The following ABR variants were observed in gnomAD, a reference collection of about 807,000 sequenced individuals.
ABR encodes active breakpoint cluster region-related protein.
In ABR, 35 loss-of-function variants were observed where a neutral mutation model predicts 107.2. The observed-to-expected ratio is 0.33, with a 90% CI of 0.25 to 0.43. ABR has a LOEUF of 0.43. Ranked by LOEUF, ABR falls within the 20% of genes least tolerant of loss-of-function variation. The probability of loss-of-function intolerance (pLI) is 1.00; values close to 1 mark genes in which losing one functional copy is unlikely to be tolerated. For synonymous variants in ABR, 498 were observed against 462.0 expected, an observed-to-expected ratio of 1.08 and a Z score of -1.00; for missense variants, 815 against 1,115.2, an observed-to-expected ratio of 0.73 and a Z score of 3.83.
intron 2 of ABR, among the ~76,000 whole-genome samples, chr17:1,112,613 G>GAGGA (rs533410394): frequency 0.011 from 903 of 84,526 alleles, 17 homozygotes; most frequent in African/African-American, 0.055. Context: ...GGGAGGGAGG[G>GAGGA]AGGAAGGAAG....
chr17:1,183,419 A>G (rs2042195379), upstream of ABR, among the ~76,000 whole-genome samples: 1 of 152,066 alleles, frequency 6.6e-6, no homozygotes, highest in African/African-American at 2.4e-5. Context: ...GGTTGGGTGC[A>G]CCGCCAGGAG....
intron 2 of ABR, among the ~76,000 whole-genome samples, chr17:1,102,818 C>T (rs2037992206): frequency 6.6e-6 from 1 of 152,186 alleles, no homozygotes; most frequent in Non-Finnish European, 1.5e-5. Flanking sequence ...TCAAGCGATT[C>T]TCCTGCCTCA....
At chr17:1,111,879 C>A (rs953088403) in intron 2 of ABR, among the ~76,000 whole-genome samples, 1 of 152,360 alleles carries the variant, frequency 6.6e-6, no homozygotes, top group South Asian at 2.1e-4. Flanking sequence ...GGTCTCCTCA[C>A]TTGGAAGCCC....
intron 1 of ABR, among the ~76,000 whole-genome samples, chr17:1,201,984 T>C (rs1246635530): frequency 1.3e-5 from 2 of 151,166 alleles, no homozygotes; most frequent in African/African-American, 4.9e-5. Flanking sequence ...TCCTGCTTAC[T>C]AGTGTTTCTT....
intron 1 of ABR, among the ~76,000 whole-genome samples, chr17:1,217,976 C>T (rs929129585): frequency 6.6e-6 from 1 of 151,996 alleles, no homozygotes; most frequent in Non-Finnish European, 1.5e-5. Flanking sequence ...ATTACAGGAA[C>T]GTGCTACCAC....
intron 5 of ABR, among the ~76,000 whole-genome samples, chr17:1,082,231 C>T (rs985797993): frequency 5.3e-5 from 8 of 152,186 alleles, no homozygotes; most frequent in African/African-American, 1.9e-4. Flanking sequence ...CTGTTCCTCT[C>T]AGGCCAGTGC....
At chr17:1,042,760 G>C (rs1689927864) in intron 16 of ABR, among the ~76,000 whole-genome samples, 1 of 151,738 alleles carries the variant, frequency 6.6e-6, no homozygotes, top group Non-Finnish European at 1.5e-5. Context: ...CGGACGGATG[G>C]ATGGATAAAC....
chr17:1,139,934 T>C (rs2040226136), intron 1 of ABR, among the ~76,000 whole-genome samples: 1 of 151,934 alleles, frequency 6.6e-6, no homozygotes, highest in Non-Finnish European at 1.5e-5. Flanking sequence ...ACGCAGGAGG[T>C]TGGCCCTGAT....
At chr17:1,120,256 AT>A (rs34286098) in intron 2 of ABR, among the ~76,000 whole-genome samples, 129,193 of 150,632 alleles carry the variant, frequency 0.86, 55,970 homozygotes, top group East Asian at 1. Context: ...AATGATGATG[AT>A]TTTTTTTTTC....
intron 16 of ABR, among the ~76,000 whole-genome samples, chr17:1,029,526 G>A (rs1040186650): frequency 3.9e-5 from 6 of 152,094 alleles, no homozygotes; most frequent in Non-Finnish European, 8.8e-5. Flanking sequence ...GGTGTTTCTC[G>A]CACCCACAGC....
rs2032459520 is a variant in ABR, at chr17:1,051,124, G to C, written c.1562-490C>G. ...GAGGCGTTTAGCAGCCCTGCCTCTG[G>C]GTCCTGAATGCTCGGAGCATCCCCT... On this transcript the variant is annotated intron_variant, in intron 14 of 22. Transcript: ENST00000302538. The surrounding 1 kb of genome is among the most constrained non-coding windows in gnomAD (Gnocchi z 4.3). Among the ~76,000 whole-genome samples the C allele has an allele frequency of 6.6e-6, 1 of 152,080 alleles. No individual in the cohort carries two copies. The highest frequency in any genetic ancestry group is 1.5e-5 in the Non-Finnish European group (1 of 68,022).
At chr17:1,185,169 T>C (rs1015948563) in intron 1 of ABR, 1 of 152,054 alleles carries the variant, frequency 6.6e-6, no homozygotes, top group Non-Finnish European at 1.5e-5. Flanking sequence ...GATGATAAAG[T>C]AGAAAGAGAA....
chr17:1,212,016 A>G (rs577834862), intron 1 of ABR, among the ~76,000 whole-genome samples: 20 of 151,840 alleles, frequency 1.3e-4, no homozygotes, highest in African/African-American at 4.4e-4. Flanking sequence ...CGGGAGGTGG[A>G]GGTTGCAGTG....
At chr17:1,140,490 G>C (rs201272062) in intron 1 of ABR, among the ~76,000 whole-genome samples, 2 of 152,208 alleles carry the variant, frequency 1.3e-5, no homozygotes, top group Non-Finnish European at 2.9e-5. Context: ...CAGCCTGTCC[G>C]GGGCAATTTC....
In ABR at chr17:1,005,919, G is replaced by A; in HGVS notation, c.*161C>T. On this transcript the variant is annotated 3_prime_UTR_variant, in exon 23 of 23. Transcript: ENST00000302538. ...GGCTGGGCAGCCGGCTTTGTACAAG[G>A]TGGCACAAAAGACGTACGCATTCCA... 1.4e-6 allele frequency: 1 copy of A among 696,706 alleles called. No individual in the cohort carries two copies. The highest frequency in any genetic ancestry group is 2.5e-6 in the Non-Finnish European group (1 of 402,100). The allele number at this position is 696,706 out of a possible 1,614,324, so 43.2% of individuals were successfully genotyped here.
At chr17:1,198,798 G>C (rs2042616908) in intron 1 of ABR, among the ~76,000 whole-genome samples, 1 of 82,746 alleles carries the variant, frequency 1.2e-5, no homozygotes, top group South Asian at 4.5e-4. Context: ...ACCACACCTG[G>C]CAAATTTTTT....
intron 16 of ABR, among the ~76,000 whole-genome samples, chr17:1,021,414 T>C (rs1051138683): frequency 2.0e-5 from 3 of 152,118 alleles, no homozygotes; most frequent in Non-Finnish European, 4.4e-5. Flanking sequence ...ATCCTGCCTC[T>C]CACGGCTGGC....
Position 1,010,283 on chromosome 17 carries a change from G to A in ABR, c.2236+446C>T. 1 of 224,012 alleles carries A rather than the reference G, an allele frequency of 4.5e-6. No individual in the cohort carries two copies. The highest frequency in any genetic ancestry group is 9.0e-6 in the Non-Finnish European group (1 of 111,496). 13.9% of individuals were successfully genotyped at this position (224,012 alleles called of 1,614,324 possible). On this transcript the variant is annotated intron_variant, in intron 20 of 22. Transcript: ENST00000302538. This position sits in a 1 kb window ranked among gnomAD's most constrained non-coding sequence, Gnocchi z 4.1. ...TTGGCCCAGGTGGGTGGAGGCGGAA[G>A]GCCTGCTGGCCGGGGCCCTCCGCAG...
intron 3 of ABR, among the ~76,000 whole-genome samples, chr17:1,098,312 T>C (rs2257823): frequency 0.76 from 115,651 of 151,872 alleles, 44,190 homozygotes; most frequent in South Asian, 0.9. Context: ...CTCCTGACCT[T>C]GTGATCCGCC....
Sources: allele counts gnomAD v4.1 joint callset (sites outside exome capture counted in the v4.1 genomes callset), GRCh38; gene constraint gnomAD v4.1.1; non-coding constraint Gnocchi (gnomAD v3.1); transcripts MANE v1.5; gene names NCBI Gene and HGNC (gene_info 2026-07-23, HGNC 2026-07-21).